The following CAMSAP1 variants were observed in gnomAD, a reference collection of about 807,000 sequenced individuals.
CAMSAP1 encodes the protein calmodulin regulated spectrin associated protein 1.
In CAMSAP1, 58 loss-of-function variants were observed where a neutral mutation model predicts 143.5. The ratio of observed to expected loss-of-function variants is 0.40; its 90% CI spans 0.33 to 0.50. CAMSAP1 has a LOEUF of 0.50. Among genes scored for constraint, CAMSAP1 ranks in the 20% least tolerant of loss-of-function variants. CAMSAP1 has a pLI of 0.45. For missense variants in CAMSAP1, 1,969 were observed against 2,115.7 expected, an observed-to-expected ratio of 0.93 and a Z score of 1.36; for synonymous variants, 945 against 859.3, an observed-to-expected ratio of 1.10 and a Z score of -1.74.
At chr9:135,827,764 C>G (rs1835729337) in intron 7 of CAMSAP1, among the ~76,000 whole-genome samples, 180 bp from the exon 8 acceptor site, 2 of 152,190 alleles carry the variant, frequency 1.3e-5, no homozygotes, top group Admixed American at 1.3e-4. Flanking sequence ...AAATATTATA[C>G]CGAAGTAAAT....
chr9:135,811,470 T>C lies in CAMSAP1; in HGVS notation c.4648A>G (p.Lys1550Glu), dbSNP rs1835047436. ...TATTTATACAGTTTGTCGATCATTT[T>C]CTTGGTGATGTTCTTTGGCCCCGTG... ...TGTGPKNITK[K>E]MIDKLYKYSS... Residue 1550 changes from lysine to glutamate, a missense_variant, in exon 17 of 17, where the codon AAA (lysine) becomes GAA (glutamate). Transcript: ENST00000389532. This position sits in a 1 kb window ranked among gnomAD's most constrained non-coding sequence, Gnocchi z 4.9. 1.9e-6 allele frequency: 3 copies of C among 1,612,092 alleles called. No individual in the cohort carries two copies. Among genetic ancestry groups the C allele is most frequent in the Admixed American group, 1.7e-5 (1 of 59,714 alleles).
At position 135,822,152 on chromosome 9, in the gene CAMSAP1, A is replaced by G. The variant is rs1478690151; in HGVS notation, c.2509T>C (p.Ser837Pro). 43 of 1,613,432 alleles carry G rather than the reference A, an allele frequency of 2.7e-5. No individual in the cohort carries two copies. Among genetic ancestry groups the G allele is most frequent in the Non-Finnish European group, 3.6e-5 (42 of 1,179,880 alleles). ...SCETKSSTSS[S>P]QKTTPDASES... ...GACGCATCTGGCGTGGTCTTCTGGG[A>G]GCTGCTGGTGCTGGACTTGGTCTCA... Residue 837 changes from serine (S) to proline (P), a missense_variant, in exon 11 of 17, where the codon TCC (serine) becomes CCC (proline). Around this residue, in one of 4 missense-constraint regions of CAMSAP1, gnomAD observed 1,390 missense variants for 1,420.8 expected, o/e 0.98. Coordinates refer to ENST00000389532, the MANE Select transcript of CAMSAP1 (RefSeq NM_015447.4). This position sits in a 1 kb window ranked among gnomAD's most constrained non-coding sequence, Gnocchi z 6.1.
intron 5 of CAMSAP1, among the ~76,000 whole-genome samples, chr9:135,862,115 T>C (rs766440094): frequency 6.6e-6 from 1 of 152,134 alleles, no homozygotes; most frequent in Non-Finnish European, 1.5e-5. Context: ...CTTTCACACA[T>C]TACTCAGATA....
Position 135,855,779 on chromosome 9 carries a change from G to A in CAMSAP1, c.809-5318C>T, listed in dbSNP as rs1295961692. 9.3e-5 allele frequency among the ~76,000 whole-genome samples: 14 copies of A among 150,808 alleles called. No individual in the cohort carries two copies. The South Asian group carries it at 2.1e-3, about 23-fold the overall frequency. ...AAAAAAAAAAAAAAAAAGGCCGGGTGCGGTGGCTCACGCCTGTAATCCCAG... is the reference window on the plus strand; with the variant it reads ...AAAAAAAAAAAAAAAAAGGCCGGGTACGGTGGCTCACGCCTGTAATCCCAG... On this transcript the variant is annotated intron_variant, in intron 5 of 16. Coordinates refer to ENST00000389532, the MANE Select transcript of CAMSAP1 (RefSeq NM_015447.4).
At position 135,826,883 on chromosome 9, in the gene CAMSAP1, A is replaced by C. The variant is rs1217849756; in HGVS notation, c.1223+524T>G. Among the ~76,000 whole-genome samples, 1 of 152,180 alleles carries C rather than the reference A, an allele frequency of 6.6e-6. No homozygotes were observed. The highest frequency in any genetic ancestry group is 1.5e-5 in the Non-Finnish European group (1 of 68,038). On this transcript the variant is annotated intron_variant, in intron 8 of 16. Coordinates refer to ENST00000389532, the MANE Select transcript of CAMSAP1 (RefSeq NM_015447.4). The surrounding 1 kb of genome is among the most constrained non-coding windows in gnomAD (Gnocchi z 4.4). ...ATCCAAATTAGGTCTTCATGATGAA[A>C]ATTCATTTTAGAAAAAACGTTTTTT...
At position 135,818,306 on chromosome 9, in the gene CAMSAP1, G is replaced by A. The variant is rs1483670934; in HGVS notation, c.4168+102C>T. 2.3e-6 allele frequency: 3 copies of A among 1,296,838 alleles called. No individual in the cohort carries two copies. The highest frequency in any genetic ancestry group is 1.4e-5 in the South Asian group (1 of 69,692). 80.3% of individuals were successfully genotyped at this position (1,296,838 alleles called of 1,614,324 possible). A position where few individuals can be genotyped will look rare whatever the true frequency, so the allele number is the denominator to read the frequency against. ...GGGGATAATCATCTCCACCCTTCCC[G>A]CCTCACACCACTCTTGATGACAAAA... On this transcript the variant is annotated intron_variant, in intron 13 of 16. Transcript: ENST00000389532. This position sits in a 1 kb window ranked among gnomAD's most constrained non-coding sequence, Gnocchi z 7.7.
Position 135,880,224 on chromosome 9 carries a change from T to C in CAMSAP1, c.585+1409A>G, listed in dbSNP as rs1038973225. ...CCCGAAGCTCAGGCTCCTCTGGAAA[T>C]GTGAACTAGGCCTGAACACCATTTT... On this transcript the variant is annotated intron_variant, in intron 3 of 16. Transcript: ENST00000389532. Among the ~76,000 whole-genome samples, 152 of 152,212 alleles carry C rather than the reference T, an allele frequency of 1.0e-3. 1 individual carries two copies. The highest frequency in any genetic ancestry group is 3.6e-3 in the African/African-American group (148 of 41,526).
intron 7 of CAMSAP1, among the ~76,000 whole-genome samples, chr9:135,835,113 C>T (rs1435386753): frequency 6.6e-6 from 1 of 152,022 alleles, no homozygotes; most frequent in Admixed American, 6.6e-5. Flanking sequence ...TTGGGAGGAC[C>T]CCCAAGCACA....
intron 7 of CAMSAP1, among the ~76,000 whole-genome samples, chr9:135,847,274 G>C (rs1836588951): frequency 6.6e-6 from 1 of 152,092 alleles, no homozygotes; most frequent in African/African-American, 2.4e-5. Flanking sequence ...AGAATGGTGT[G>C]AACCCGGGAG....
At position 135,821,880 on chromosome 9, in the gene CAMSAP1, G is replaced by A. The variant is rs1465941296; in HGVS notation, c.2781C>T (p.Ala927=). The A allele has an allele frequency of 1.9e-6, 3 of 1,613,884 alleles. No homozygotes were observed. Among genetic ancestry groups the A allele is most frequent in the African/African-American group, 2.7e-5 (2 of 74,950 alleles). The change falls in exon 11 of 17, where the codon GCC becomes GCT. Residue 927 remains alanine, a synonymous_variant. Transcript: ENST00000389532. The surrounding 1 kb of genome is among the most constrained non-coding windows in gnomAD (Gnocchi z 4.6). The part of the protein sequence containing the change: ...HVVKKGKAEA[A]PPLRPEHFAK... ...CAAAGTGCTCCGGCCTGAGGGGTGG[G>A]GCAGCCTCGGCCTTGCCCTTCTTCA...
Position 135,826,949 on chromosome 9 carries a change from T to C in CAMSAP1, c.1223+458A>G, listed in dbSNP as rs781621220. On this transcript the variant is annotated intron_variant, in intron 8 of 16. Coordinates refer to ENST00000389532, the MANE Select transcript of CAMSAP1 (RefSeq NM_015447.4). The surrounding 1 kb of genome is among the most constrained non-coding windows in gnomAD (Gnocchi z 4.4). ...TAGAGTAGTTTAGCCTTTAAGCAGCTCTATACACTTTTTCACTCGAATCAA... is the reference window on the plus strand; with the variant it reads ...TAGAGTAGTTTAGCCTTTAAGCAGCCCTATACACTTTTTCACTCGAATCAA... Among the ~76,000 whole-genome samples the C allele has an allele frequency of 5.9e-5, 9 of 152,204 alleles. No homozygotes were observed. Among genetic ancestry groups the C allele is most frequent in the Non-Finnish European group, 1.3e-4 (9 of 68,036 alleles).
chr9:135,827,039 A>G (rs1027111783), intron 8 of CAMSAP1, among the ~76,000 whole-genome samples: 6 of 152,230 alleles, frequency 3.9e-5, no homozygotes, highest in Admixed American at 6.5e-5. Context: ...CTTGAAATGC[A>G]AGAGGATTTC....
Position 135,822,789 on chromosome 9 carries a change from C to G in CAMSAP1, c.1872G>C (p.Val624=). The G allele has an allele frequency of 6.2e-7, 1 of 1,613,954 alleles. No homozygotes were observed. Among genetic ancestry groups the G allele is most frequent in the South Asian group, 1.1e-5 (1 of 91,076 alleles). The change falls in exon 11 of 17, where the codon GTG becomes GTC. Residue 624 remains valine (V), a synonymous_variant. Coordinates refer to ENST00000389532, the MANE Select transcript of CAMSAP1 (RefSeq NM_015447.4). The surrounding 1 kb of genome is among the most constrained non-coding windows in gnomAD (Gnocchi z 6.1). ...GGGGGCCCTCGCTGGGCCTCCTAGA[C>G]ACGATGCTCCTCGGTCTCCCTTCCC... is the stretch of plus-strand genomic sequence containing the variant. ...ERGEGRPRSI[V]SRRPSEGPQP...
intron 3 of CAMSAP1, among the ~76,000 whole-genome samples, chr9:135,875,503 G>A (rs1005456349): frequency 9.9e-5 from 15 of 152,040 alleles, no homozygotes; most frequent in African/African-American, 2.9e-4. Context: ...GAGCCACCAC[G>A]CCCAGCCAAA....
intron 4 of CAMSAP1, chr9:135,865,251 T>C: frequency 7.4e-7 from 1 of 1,357,400 alleles, no homozygotes; most frequent in Non-Finnish European, 1.0e-6. Context: ...CAGTTTTGGG[T>C]GCGAGCAGTT....
intron 1 of CAMSAP1, among the ~76,000 whole-genome samples, chr9:135,888,375 C>T (rs910642592): frequency 5.3e-5 from 8 of 152,212 alleles, no homozygotes; most frequent in South Asian, 2.1e-4. Context: ...CCACACCAAC[C>T]GCCAGCTCTT....
intron 1 of CAMSAP1, among the ~76,000 whole-genome samples, chr9:135,887,572 G>A (rs867927580): frequency 8.5e-5 from 13 of 152,218 alleles, no homozygotes; most frequent in Middle Eastern, 3.2e-3. Flanking sequence ...GAGGCCCCTC[G>A]GGAGGCGGAG....
rs1026315728 is a variant in CAMSAP1, at chr9:135,819,123, C to T, written c.3846G>A (p.Glu1282=). 6.2e-7 allele frequency: 1 copy of T among 1,601,888 alleles called. No individual in the cohort carries two copies. Among genetic ancestry groups the T allele is most frequent in the Non-Finnish European group, 8.5e-7 (1 of 1,175,640 alleles). ...FFKDEQKAED[E]LAKKRAAFLL... is the part of the protein sequence containing the mutation. ...GGAAGGCCGCCCGCTTCTTGGCGAGCTCATCTTCCGCTTTCTGTTCATCCT... is the reference window on the plus strand; with the variant it reads ...GGAAGGCCGCCCGCTTCTTGGCGAGTTCATCTTCCGCTTTCTGTTCATCCT... The change falls in exon 12 of 17, where the codon GAG becomes GAA. Residue 1282 remains glutamate (E), a synonymous_variant. Transcript: ENST00000389532.
rs556885040 is a variant in CAMSAP1, at chr9:135,842,613, G to A, written c.1045+7524C>T. On this transcript the variant is annotated intron_variant, in intron 7 of 16. Transcript: ENST00000389532. The stretch of plus-strand genomic sequence containing the variant: ...AGAGAAAGGTCAGGTTACCCACAAA[G>A]GGAAGCCCATCAAACTAACAGCAGA... 2.6e-5 allele frequency among the ~76,000 whole-genome samples: 4 copies of A among 152,308 alleles called. No homozygotes were observed. The East Asian group carries it at 7.7e-4, about 29-fold the overall frequency.
Sources: gnomAD v4.1 joint callset for allele counts (sites outside exome capture counted in the v4.1 genomes callset) on GRCh38, gnomAD v4.1.1 for gene constraint, gnomAD v4.1.1 regional missense constraint, Gnocchi (gnomAD v3.1) non-coding constraint, MANE v1.5 for transcripts, NCBI Gene and HGNC (gene_info 2026-07-23, HGNC 2026-07-21) for gene names.